The following CLASP2 variants were observed in gnomAD, a reference collection of about 807,000 sequenced individuals.
CLASP2 encodes cytoplasmic linker associated protein 2.
Under a neutral mutation model 194.4 loss-of-function variants are expected in CLASP2, and 47 were observed. That is an observed-to-expected ratio of 0.24 (90% confidence interval 0.19 to 0.31). The LOEUF (loss-of-function observed/expected upper bound fraction) is 0.31. Ranked by LOEUF, CLASP2 falls within the 10% of genes least tolerant of loss-of-function variation. CLASP2 has a pLI of 1.00. For synonymous variants in CLASP2, 619 were observed against 633.5 expected, an observed-to-expected ratio of 0.98 and a Z score of 0.34; for missense variants, 1,445 against 1,823.6, an observed-to-expected ratio of 0.79 and a Z score of 3.78.
At chr3:33,532,455 T>C (rs2056531138) in intron 34 of CLASP2, among the ~76,000 whole-genome samples, 1 of 152,222 alleles carries the variant, frequency 6.6e-6, no homozygotes. Context: ...ATGGTCTTGA[T>C]GGATGTGCAA....
chr3:33,503,171 T>C (rs775019565), intron 37 of CLASP2: 1 of 152,106 alleles, frequency 6.6e-6, no homozygotes. Flanking sequence ...CATGGCAGAA[T>C]GAGGTATTAT....
chr3:33,667,050 G>A (rs777844648), intron 6 of CLASP2, among the ~76,000 whole-genome samples: 1 of 151,942 alleles, frequency 6.6e-6, no homozygotes, highest in Non-Finnish European at 1.5e-5. Context: ...TAAAAATTGG[G>A]TTATCTGTCC....
At chr3:33,703,985 C>T (rs1559687925) in intron 1 of CLASP2, among the ~76,000 whole-genome samples, 1 of 152,160 alleles carries the variant, frequency 6.6e-6, no homozygotes, top group South Asian at 2.1e-4. Context: ...AAGAAGTTAG[C>T]CTGAAAACGC....
At position 33,603,049 on chromosome 3, in the gene CLASP2, A is replaced by G. The variant is rs753083728; in HGVS notation, c.1827T>C (p.Ala609=). Residue 609 remains alanine, a synonymous_variant, in exon 18 of 39, where the codon GCT becomes GCC. Coordinates refer to ENST00000682230, the MANE Select transcript of CLASP2 (RefSeq NM_001365631.1). Reference sequence around the variant, plus strand: ...CATGATGTGCCTTGGCACCTGCAGCAGCATTCACATCAATGTCACTTCGTG... The same window carrying G: ...CATGATGTGCCTTGGCACCTGCAGCGGCATTCACATCAATGTCACTTCGTG... The part of the protein sequence containing the change: ...QRSRSDIDVN[A]AAGAKAHHAA... 63 of 1,603,128 alleles carry G rather than the reference A, an allele frequency of 3.9e-5. No homozygotes were observed. Among genetic ancestry groups the G allele is most frequent in the Admixed American group, 1.0e-4 (6 of 58,514 alleles).
At chr3:33,614,228 T>C (rs1158279085) in intron 12 of CLASP2, among the ~76,000 whole-genome samples, 1 of 151,864 alleles carries the variant, frequency 6.6e-6, no homozygotes, top group Admixed American at 6.6e-5. Context: ...GTATAAAGAG[T>C]AAAGCCTGAG....
intron 8 of CLASP2, 199 bp downstream of exon 8, chr3:33,644,558 C>T (rs2081958161): frequency 1.6e-6 from 1 of 613,222 alleles, no homozygotes. Flanking sequence ...AATTCACATA[C>T]ATTCTTAGAG....
chr3:33,536,614 T>C (rs1244451477), intron 33 of CLASP2, among the ~76,000 whole-genome samples: 1 of 151,990 alleles, frequency 6.6e-6, no homozygotes, highest in African/African-American at 2.4e-5. Context: ...TAGACTTTGG[T>C]TTTTACTCTG....
chr3:33,717,632 G>A (rs1395498555), intron 1 of CLASP2, among the ~76,000 whole-genome samples, 176 bp downstream of exon 1: 1 of 152,202 alleles, frequency 6.6e-6, no homozygotes, highest in South Asian at 2.1e-4. Context: ...GCACCATGTT[G>A]GTCAGGCTGG....
intron 29 of CLASP2, among the ~76,000 whole-genome samples, chr3:33,553,621 T>C (rs1271109598): frequency 6.6e-6 from 1 of 152,190 alleles, no homozygotes; most frequent in Non-Finnish European, 1.5e-5. Flanking sequence ...TCAGTATTCA[T>C]CAGGGAAAGG....
At chr3:33,556,885 T>C (rs942920672) in intron 29 of CLASP2, among the ~76,000 whole-genome samples, 11 of 152,246 alleles carry the variant, frequency 7.2e-5, no homozygotes, top group African/African-American at 2.2e-4. Context: ...TTTTAATTTG[T>C]GCATATCTCA....
In CLASP2 at chr3:33,538,798, A is replaced by G. The variant is rs766242563; in HGVS notation, c.3549T>C (p.Asp1183=). Residue 1183 remains aspartate (D), a synonymous_variant, in exon 33 of 39, where the codon GAT becomes GAC. Transcript: ENST00000682230. ...ATATTAAAATACTTACTGAATCGCCATCATCTTTTTTAGAATCCCTTTTCA... is the reference window on the plus strand; with the variant it reads ...ATATTAAAATACTTACTGAATCGCCGTCATCTTTTTTAGAATCCCTTTTCA... ...EPLKRDSKKD[D]GDSMCGGPGM... 1.9e-6 allele frequency: 3 copies of G among 1,582,196 alleles called. No individual in the cohort carries two copies.
intron 20 of CLASP2, 154 bp from the exon 21 acceptor site, chr3:33,592,650 CAG>C (rs762453845): frequency 3.0e-5 from 21 of 701,796 alleles, no homozygotes; most frequent in Non-Finnish European, 2.5e-6. Flanking sequence ...ATTTTATAAA[CAG>C]TAATTTTTTT....
chr3:33,593,745 A>G (rs1021435966), intron 20 of CLASP2, among the ~76,000 whole-genome samples: 31 of 152,346 alleles, frequency 2.0e-4, no homozygotes, highest in African/African-American at 7.0e-4. Flanking sequence ...GAAATGGAGA[A>G]TTTATCTACA....
At chr3:33,533,613 C>A (rs935786531) in intron 34 of CLASP2, among the ~76,000 whole-genome samples, 1 of 152,192 alleles carries the variant, frequency 6.6e-6, no homozygotes, top group South Asian at 2.1e-4. Context: ...AACTAGCCAA[C>A]TATTCTGAGA....
chr3:33,595,324 T>C (rs550467914), intron 19 of CLASP2, among the ~76,000 whole-genome samples: 5 of 152,242 alleles, frequency 3.3e-5, no homozygotes. Context: ...TGAAATTTTA[T>C]AGACCTTTCC....
chr3:33,583,090 G>C (rs1449755069), intron 22 of CLASP2, among the ~76,000 whole-genome samples: 1 of 152,206 alleles, frequency 6.6e-6, no homozygotes, highest in Non-Finnish European at 1.5e-5. Context: ...CCAGGAGGGA[G>C]TGATTCAAAC....
At chr3:33,715,155 C>T (rs749071403) in intron 1 of CLASP2, among the ~76,000 whole-genome samples, 7 of 152,216 alleles carry the variant, frequency 4.6e-5, no homozygotes, top group African/African-American at 7.2e-5. Flanking sequence ...TGTCTGCACT[C>T]ACATGTCACC....
chr3:33,616,527 A>G (rs1213055093), intron 12 of CLASP2, among the ~76,000 whole-genome samples: 1 of 152,088 alleles, frequency 6.6e-6, no homozygotes, highest in African/African-American at 2.4e-5. Context: ...AAAGATAATC[A>G]TTTCTAAAGA....
At chr3:33,659,259 G>C in intron 7 of CLASP2, 1 of 1,250,320 alleles carries the variant, frequency 8.0e-7, no homozygotes, top group Non-Finnish European at 1.0e-6. Context: ...CACATATGCT[G>C]TTGGATACAG....
Sources: gnomAD v4.1 joint callset for allele counts (sites outside exome capture counted in the v4.1 genomes callset) on GRCh38, gnomAD v4.1.1 for gene constraint, MANE v1.5 for transcripts, NCBI Gene and HGNC (gene_info 2026-07-23, HGNC 2026-07-21) for gene names.